PKP3: variants seen among roughly 807,000 people sequenced by gnomAD.
PKP3 encodes the protein plakophilin-3.
A neutral mutation model predicts 76.5 loss-of-function variants in PKP3; 66 were observed. That is an observed-to-expected ratio of 0.86 (90% CI 0.71 to 1.06). The LOEUF is 1.06. Among genes scored for constraint, PKP3 ranks in the 50% least tolerant of loss-of-function variants. The pLI is 0.00. For missense variants in PKP3, 1,338 were observed against 1,141.0 expected (o/e 1.17, Z -2.49); for synonymous variants, 638 against 516.5 (o/e 1.24, Z -3.19).
Position 394,534 on chromosome 11 carries a change from G to C in PKP3, c.232+10G>C. 7.3e-7 allele frequency: 1 copy of C among 1,366,952 alleles called. No homozygotes were observed. The highest frequency in any genetic ancestry group is 1.7e-5 in the South Asian group (1 of 59,880). 84.7% of individuals were successfully genotyped at this position (1,366,952 alleles called of 1,614,324 possible). On this transcript the variant is annotated intron_variant, in intron 1 of 12. Coordinates refer to ENST00000331563, the MANE Select transcript of PKP3 (RefSeq NM_007183.4). ...GCCGAGACTGCCAGAGGTAGGCGGT[G>C]GGGACAGCGGCGGGGATGGCGGTGG...
At position 396,655 on chromosome 11, in the gene PKP3, C is replaced by A; in HGVS notation, c.280C>A (p.Arg94Ser). 2 of 1,611,272 alleles carry A rather than the reference C, an allele frequency of 1.2e-6. No individual in the cohort carries two copies. Among genetic ancestry groups the A allele is most frequent in the Non-Finnish European group, 1.7e-6 (2 of 1,179,346 alleles). The change falls in exon 2 of 13, where the codon CGC (arginine) becomes AGC (serine). Residue 94 changes from arginine (R) to serine (S), a missense_variant. Arg to Ser is a moderately radical substitution (Grantham distance 110). Coordinates refer to ENST00000331563, the MANE Select transcript of PKP3 (RefSeq NM_007183.4). ...YHTLQAGFSS[R>S]SQGLSGDKTS... ...CACCCTGCAGGCTGGCTTCAGCTCT[C>A]GCTCTCAGGGCCTGAGTGGGGACAA...
In PKP3 at chr11:399,828, T is replaced by C. The variant is rs1189424782; in HGVS notation, c.1274-139T>C. 4.5e-6 allele frequency: 3 copies of C among 667,476 alleles called. No homozygotes were observed. The African/African-American group carries it at 5.5e-5, about 12-fold the overall frequency. The allele number at this position is 667,476 out of a possible 1,614,324, so 41.3% of individuals were successfully genotyped here. On this transcript the variant is annotated intron_variant, in intron 5 of 12. Transcript: ENST00000331563. ...TATCACCTCAAATGCCACCCCAGGG[T>C]CTCCCCAGTGGGGCTCGTGGGTGAG...
Position 404,752 on chromosome 11 carries a change from AC to A in PKP3, c.*184del, listed in dbSNP as rs1227806663. The A allele has an allele frequency of 1.6e-6, 1 of 607,720 alleles. No individual in the cohort carries two copies. Among genetic ancestry groups the A allele is most frequent in the Admixed American group, 2.9e-5 (1 of 34,270 alleles). The allele number at this position is 607,720 out of a possible 1,614,324, so 37.6% of individuals were successfully genotyped here. A position where few individuals can be genotyped will look rare whatever the true frequency, so the allele number is the denominator to read the frequency against. On this transcript the variant is annotated 3_prime_UTR_variant, in exon 13 of 13. Transcript: ENST00000331563. This position sits in a 1 kb window ranked among gnomAD's most constrained non-coding sequence, Gnocchi z 4.2. The stretch of plus-strand genomic sequence containing the variant: ...GAGGGGCAGGGTCTTATAGCTGGGG[AC>A]TTGGCTTCCGCAGGGCAGGGGGTGG...
At position 400,115 on chromosome 11, in the gene PKP3, C is replaced by A. The variant is rs1847126147; in HGVS notation, c.1422C>A (p.Ile474=). Residue 474 remains isoleucine (I), a synonymous_variant, in exon 6 of 13, where the codon ATC becomes ATA. Transcript: ENST00000331563. ...LIQQNASEAE[I]FYNATGFLRN... ...AGCAGAACGCCTCGGAGGCAGAGAT[C>A]TTCTACAACGCCACCGGCTTCCTCA... 1 of 1,571,788 alleles carries A rather than the reference C, an allele frequency of 6.4e-7. No individual in the cohort carries two copies. The highest frequency in any genetic ancestry group is 8.6e-7 in the Non-Finnish European group (1 of 1,163,368).
Position 397,666 on chromosome 11 carries a change from A to G in PKP3, c.1068+4A>G. 2 of 1,608,658 alleles carry G rather than the reference A, an allele frequency of 1.2e-6. No individual in the cohort carries two copies. The highest frequency in any genetic ancestry group is 8.5e-7 in the Non-Finnish European group (1 of 1,177,476). ...CGATGCAGCCGCCAAGAAGCAGGTGACCACCCCGACCACCCACTCGCTGCC... is the reference window on the plus strand; with the variant it reads ...CGATGCAGCCGCCAAGAAGCAGGTGGCCACCCCGACCACCCACTCGCTGCC... On this transcript the variant is annotated splice_donor_region_variant and intron_variant, in intron 4 of 12. Coordinates refer to ENST00000331563, the MANE Select transcript of PKP3 (RefSeq NM_007183.4).
At chr11:394,863 G>T (rs1847025407) in intron 1 of PKP3, among the ~76,000 whole-genome samples, 1 of 152,188 alleles carries the variant, frequency 6.6e-6, no homozygotes, top group Admixed American at 6.5e-5. Context: ...CACGCGCCTG[G>T]CCCCGGTAGC....
rs754418177 is a variant in PKP3, at chr11:397,605, G to A, written c.1011G>A (p.Val337=). 22 of 1,611,902 alleles carry A rather than the reference G, an allele frequency of 1.4e-5. No homozygotes were observed. The highest frequency in any genetic ancestry group is 3.3e-5 in the Admixed American group (2 of 59,948). The change falls in exon 4 of 13, where the codon GTG becomes GTA. Residue 337 remains valine, a synonymous_variant. Transcript: ENST00000331563. The part of the protein sequence containing the change: ...YLMASDPNLQ[V]LGAAYIQHKC... ...TGGCTTCAGACCCCAACCTGCAGGTGCTGGGAGCGGCCTACATCCAGCACA... is the reference window on the plus strand; with the variant it reads ...TGGCTTCAGACCCCAACCTGCAGGTACTGGGAGCGGCCTACATCCAGCACA...
At chr11:399,679 C>G (rs904158649) in intron 5 of PKP3, among the ~76,000 whole-genome samples, 1 of 149,308 alleles carries the variant, frequency 6.7e-6, no homozygotes, top group Non-Finnish European at 1.5e-5. Context: ...CTCCACTGCC[C>G]GCCTCTTTCC....
At chr11:399,605 C>G (rs1349339588) in intron 5 of PKP3, among the ~76,000 whole-genome samples, 2 of 132,772 alleles carry the variant, frequency 1.5e-5, no homozygotes, top group African/African-American at 3.0e-5. Flanking sequence ...GTTCTGACCC[C>G]TCCACCTCAT....
Position 397,354 on chromosome 11 carries a change from A to G in PKP3, c.853A>G (p.Ser285Gly). 1 of 1,595,974 alleles carries G rather than the reference A, an allele frequency of 6.3e-7. No individual in the cohort carries two copies. Among genetic ancestry groups the G allele is most frequent in the Non-Finnish European group, 8.5e-7 (1 of 1,172,930 alleles). The part of the protein sequence containing the change: ...VARAPSVRSL[S>G]LSLADSGHLP... Reference sequence around the variant, plus strand: ...TCGAGCGCCATCTGTGCGCAGCCTCAGCCTCAGCCTGGCTGACTCGGGCCA... The same window carrying G: ...TCGAGCGCCATCTGTGCGCAGCCTCGGCCTCAGCCTGGCTGACTCGGGCCA... The change falls in exon 3 of 13, where the codon AGC becomes GGC. Residue 285 changes from serine (S) to glycine (G), a missense_variant. Physicochemically the swap from Ser to Gly is moderately conservative, Grantham distance 56 (BLOSUM62 0). Transcript: ENST00000331563.
intron 4 of PKP3, among the ~76,000 whole-genome samples, 185 bp from the exon 5 acceptor site, chr11:398,807 G>A (rs1274883198): frequency 7.3e-4 from 95 of 130,128 alleles, no homozygotes; most frequent in African/African-American, 1.3e-3. Flanking sequence ...ACACACCTGC[G>A]TCACCTCCGT....
chr11:397,876 A>C, intron 4 of PKP3: 2 of 552,550 alleles, frequency 3.6e-6, no homozygotes, highest in Non-Finnish European at 3.2e-6. Context: ...ACCCCCACAT[A>C]TACCTCATCA....
rs1340593090 is a variant in PKP3 at position 400,652 on chromosome 11, C to A, written c.1684C>A (p.Pro562Thr). 1 of 1,363,100 alleles carries A rather than the reference C, an allele frequency of 7.3e-7. No homozygotes were observed. Among genetic ancestry groups the A allele is most frequent in the Non-Finnish European group, 9.4e-7 (1 of 1,064,316 alleles). The allele number at this position is 1,363,100 out of a possible 1,614,324, so 84.4% of individuals were successfully genotyped here. A position where few individuals can be genotyped will look rare whatever the true frequency, so the allele number is the denominator to read the frequency against. The change falls in exon 8 of 13, where the codon CCG (proline) becomes ACG (threonine). Residue 562 changes from proline (P) to threonine (T), a missense_variant. By Grantham distance (38) the Pro-to-Thr change is conservative. Transcript: ENST00000331563. ...GRGRRDLAGAPPGEVVGCFTP... is the reference protein window; with the variant it reads ...GRGRRDLAGATPGEVVGCFTP... Reference sequence around the variant, plus strand: ...CGGCCGCAGGGACCTGGCGGGGGCGCCGCCGGGAGAGGTCGTGGGCTGCTT... The same window carrying A: ...CGGCCGCAGGGACCTGGCGGGGGCGACGCCGGGAGAGGTCGTGGGCTGCTT...
At position 403,592 on chromosome 11, in the gene PKP3, A is replaced by C. The variant is rs780964451; in HGVS notation, c.1924-26A>C. On this transcript the variant is annotated intron_variant, in intron 9 of 12. Coordinates refer to ENST00000331563, the MANE Select transcript of PKP3 (RefSeq NM_007183.4). ...GGTGAGGGTCTGAGGCCTCCGGGTC[A>C]CGGCTCACACCCTCCCTCCCCACAG... is the stretch of plus-strand genomic sequence containing the variant. The C allele has an allele frequency of 3.1e-5, 49 of 1,597,360 alleles. 1 individual carries two copies. In the South Asian group the frequency reaches 5.3e-4, roughly 17 times the overall value.
chr11:404,050 G>A lies in PKP3; in HGVS notation c.2185G>A (p.Val729Met). ...CATCATAGCTGTGCTCAACAACCTG[G>A]TGGTGGCCAGCCCCATCGCTGCCCG... ...VNIIAVLNNL[V>M]VASPIAARDL... The change falls in exon 11 of 13, where the codon GTG (valine) becomes ATG (methionine). Residue 729 changes from valine to methionine, a missense_variant. Transcript: ENST00000331563. The surrounding 1 kb of genome is among the most constrained non-coding windows in gnomAD (Gnocchi z 4.2). 1.2e-6 allele frequency: 2 copies of A among 1,612,552 alleles called. No homozygotes were observed. Among genetic ancestry groups the A allele is most frequent in the African/African-American group, 1.3e-5 (1 of 75,024 alleles).
intron 1 of PKP3, among the ~76,000 whole-genome samples, chr11:394,795 G>A (rs1847024362): frequency 6.6e-6 from 1 of 152,224 alleles, no homozygotes; most frequent in Non-Finnish European, 1.5e-5. Context: ...GGGGATGACA[G>A]GGAAGGTTGG....
At chr11:400,505 C>A in intron 7 of PKP3, 30 bp from the exon 8 acceptor site, 3 of 1,498,762 alleles carry the variant, frequency 2.0e-6, no homozygotes, top group Non-Finnish European at 2.7e-6. Context: ...CGCTCTGACC[C>A]GCGCCCCTGC....
In PKP3 at chr11:397,019, G is replaced by A. The variant is rs144499370; in HGVS notation, c.518G>A (p.Arg173Gln). Residue 173 changes from arginine to glutamine, a missense_variant, in exon 3 of 13, where the codon CGG becomes CAG. Arg to Gln is a conservative substitution (Grantham distance 43). Transcript: ENST00000331563. ...CATGAGCGCGGTGGGGTTGGGAGCC[G>A]GGCCGACTATGACACACTCTCCCTG... is the stretch of plus-strand genomic sequence containing the variant. Reference protein sequence around the residue: ...SFHERGGVGSRADYDTLSLRS... With the variant: ...SFHERGGVGSQADYDTLSLRS... 101 of 1,599,628 alleles carry A rather than the reference G, an allele frequency of 6.3e-5. No individual in the cohort carries two copies. Among genetic ancestry groups the A allele is most frequent in the African/African-American group, 4.1e-4 (31 of 74,904 alleles).
intron 8 of PKP3, 32 bp from the exon 9 acceptor site, chr11:403,040 TCACCCC>T (rs753009377): frequency 0.25 from 165,896 of 668,638 alleles, 55,691 homozygotes; most frequent in Middle Eastern, 0.37. Flanking sequence ...CCCGACCCGC[TCACCCC>T]GACCCCGCCG....
Sources: gnomAD v4.1 joint callset for allele counts (sites outside exome capture counted in the v4.1 genomes callset) on GRCh38, gnomAD v4.1.1 for gene constraint, Gnocchi (gnomAD v3.1) non-coding constraint, MANE v1.5 for transcripts, NCBI Gene and HGNC (gene_info 2026-07-23, HGNC 2026-07-21) for gene names.